SLC5A10: variants seen among roughly 807,000 people sequenced by gnomAD.
The protein encoded by SLC5A10 is solute carrier family 5 member 10, also known as sodium/mannose cotransporter SLC5A10.
In SLC5A10, 55 loss-of-function variants were observed where a neutral mutation model predicts 68.9. The observed-to-expected ratio is 0.80, with a 90% CI of 0.64 to 1.00. SLC5A10 has a LOEUF of 1.00. SLC5A10 is among the 50% of genes least tolerant of loss of function. The probability of loss-of-function intolerance (pLI) is 0.00; values close to 1 mark genes in which losing one functional copy is unlikely to be tolerated. For synonymous variants in SLC5A10, 344 were observed against 344.8 expected (o/e 1.00, Z 0.02); for missense variants, 732 against 819.3 (o/e 0.89, Z 1.30).
intron 9 of SLC5A10, among the ~76,000 whole-genome samples, chr17:18,988,906 C>G (rs1488887132): frequency 6.6e-6 from 1 of 152,208 alleles, no homozygotes; most frequent in Non-Finnish European, 1.5e-5. Context: ...GTGGTCAGGG[C>G]CTTCCCCCAG....
At chr17:18,978,655 CG>C (rs776041051) in intron 9 of SLC5A10, 1 of 1,613,052 alleles carries the variant, frequency 6.2e-7, no homozygotes, top group East Asian at 2.2e-5. Flanking sequence ...CCACAGTGCC[CG>C]CGGGCACCAG....
rs767942923 is a variant in SLC5A10, at chr17:19,003,538, C to G, written c.983-9872C>G. On this transcript the variant is annotated intron_variant, in intron 9 of 14. Transcript: ENST00000395645. This position sits in a 1 kb window ranked among gnomAD's most constrained non-coding sequence, Gnocchi z 4.5. ...GCCTCACCTTCTGTGCCTGGCTGAT[C>G]ATCTTCCGCACCACCTCTTTGATGT... 1.9e-6 allele frequency: 3 copies of G among 1,540,276 alleles called. No homozygotes were observed. In the African/African-American group the frequency reaches 4.1e-5, roughly 21 times the overall value.
intron 9 of SLC5A10, among the ~76,000 whole-genome samples, chr17:18,983,372 G>A (rs567907350): frequency 6.6e-6 from 1 of 152,382 alleles, no homozygotes; most frequent in East Asian, 1.9e-4. Context: ...AGCCATGTAG[G>A]CAGCACCAGG....
At chr17:18,987,086 C>T (rs549543950) in intron 9 of SLC5A10, among the ~76,000 whole-genome samples, 50 of 152,296 alleles carry the variant, frequency 3.3e-4, no homozygotes, top group African/African-American at 9.6e-4. Flanking sequence ...AGGGGGTGGG[C>T]GCGCCTGACA....
At chr17:18,998,198 G>A (rs947485165) in intron 9 of SLC5A10, among the ~76,000 whole-genome samples, 25 of 152,286 alleles carry the variant, frequency 1.6e-4, no homozygotes, top group African/African-American at 6.0e-4. Context: ...CCAGGGCACA[G>A]GGTGGGACCC....
intron 9 of SLC5A10, among the ~76,000 whole-genome samples, chr17:18,997,020 T>TC (rs2043586644): frequency 6.6e-6 from 1 of 152,182 alleles, no homozygotes; most frequent in Admixed American, 6.5e-5. Context: ...AACTCTGAGG[T>TC]CCCGTTCCCC....
chr17:19,002,589 C>A (rs2043758516), intron 9 of SLC5A10, among the ~76,000 whole-genome samples: 1 of 152,252 alleles, frequency 6.6e-6, no homozygotes, highest in African/African-American at 2.4e-5. Flanking sequence ...GCTTCAGAAT[C>A]CTTCTCAACA....
rs17842753 is a variant in SLC5A10 at position 18,976,693 on chromosome 17, C to T, written c.847-161C>T. On this transcript the variant is annotated intron_variant, in intron 8 of 14. Coordinates refer to ENST00000395645, the MANE Select transcript of SLC5A10 (RefSeq NM_001042450.4). ...CTGAAGTGAGCTCTCCTGGTGGGAC[C>T]CTGACAGTATTGGGGCTTTGAGTGT... is the stretch of plus-strand genomic sequence containing the variant. The T allele has an allele frequency of 3.1e-3, 2,799 of 914,924 alleles. 35 individuals are homozygous for T. In the African/African-American group the frequency reaches 0.038, roughly 12 times the overall value. The allele number at this position is 914,924 out of a possible 1,614,324, so 56.7% of individuals were successfully genotyped here.
At chr17:18,985,140 G>A in intron 9 of SLC5A10, among the ~76,000 whole-genome samples, 1 of 152,236 alleles carries the variant, frequency 6.6e-6, no homozygotes, top group Non-Finnish European at 1.5e-5. Flanking sequence ...GACCAGAGCT[G>A]CGTCTCATGG....
intron 1 of SLC5A10, among the ~76,000 whole-genome samples, chr17:18,955,786 G>A (rs1039065350): frequency 6.6e-6 from 1 of 152,238 alleles, no homozygotes; most frequent in East Asian, 1.9e-4. Flanking sequence ...GTTCTGAACT[G>A]GGTGTGGTGG....
rs144849326 is a variant in SLC5A10, at chr17:18,960,935, G to A, written c.453+283G>A. On this transcript the variant is annotated intron_variant, in intron 5 of 14. Coordinates refer to ENST00000395645, the MANE Select transcript of SLC5A10 (RefSeq NM_001042450.4). ...GGTTCTAGACACAGGGTGTTAGGACGGTTCTCGGTCTGAGGTCAGTTCTGG... is the reference window on the plus strand; with the variant it reads ...GGTTCTAGACACAGGGTGTTAGGACAGTTCTCGGTCTGAGGTCAGTTCTGG... 2.8e-3 allele frequency among the ~76,000 whole-genome samples: 428 copies of A among 152,258 alleles called. 2 individuals are homozygous for A. The highest frequency in any genetic ancestry group is 6.8e-3 in the Middle Eastern group (2 of 294).
At position 19,003,701 on chromosome 17, in the gene SLC5A10, A is replaced by C. The variant is rs1282418175; in HGVS notation, c.983-9709A>C. 10 of 1,606,960 alleles carry C rather than the reference A, an allele frequency of 6.2e-6. No individual in the cohort carries two copies. Among genetic ancestry groups the C allele is most frequent in the Non-Finnish European group, 8.5e-6 (10 of 1,176,678 alleles). Reference sequence around the variant, plus strand: ...CTGGGGCCAGTACTCCAGGGAGGGCAGCGGCTCGGCCTCGATGGGGACCCC... The same window carrying C: ...CTGGGGCCAGTACTCCAGGGAGGGCCGCGGCTCGGCCTCGATGGGGACCCC... On this transcript the variant is annotated intron_variant, in intron 9 of 14. Transcript: ENST00000395645. The surrounding 1 kb of genome is among the most constrained non-coding windows in gnomAD (Gnocchi z 4.5).
rs150220990 is a variant in SLC5A10, at chr17:18,959,975, A to C, written c.348+312A>C. Among the ~76,000 whole-genome samples, 23 of 152,094 alleles carry C rather than the reference A, an allele frequency of 1.5e-4. 1 individual carries two copies. The East Asian group carries it at 2.1e-3, about 14-fold the overall frequency. ...GGCACATAGGCTGTACAACTGGGCCATGCACCTGGTTTGCACACCTGGCCC... is the reference window on the plus strand; with the variant it reads ...GGCACATAGGCTGTACAACTGGGCCCTGCACCTGGTTTGCACACCTGGCCC... On this transcript the variant is annotated intron_variant, in intron 4 of 14. Transcript: ENST00000395645.
At position 19,000,699 on chromosome 17, in the gene SLC5A10, C is replaced by T. The variant is rs1397010483; in HGVS notation, c.983-12711C>T. Among the ~76,000 whole-genome samples the T allele has an allele frequency of 2.0e-5, 3 of 152,128 alleles. No individual in the cohort carries two copies. The highest frequency in any genetic ancestry group is 4.4e-5 in the Non-Finnish European group (3 of 67,994). On this transcript the variant is annotated intron_variant, in intron 9 of 14. Coordinates refer to ENST00000395645, the MANE Select transcript of SLC5A10 (RefSeq NM_001042450.4). The surrounding 1 kb of genome is among the most constrained non-coding windows in gnomAD (Gnocchi z 5.2). ...GGGGCCAGTGTGCGGCAAGGCGGCC[C>T]AGGCAGAGGGATCCCCATCCTAGGC...
rs1380016143 is a variant in SLC5A10 at position 18,969,075 on chromosome 17, G to A, written c.477G>A (p.Leu159=). Residue 159 remains leucine, a synonymous_variant, in exon 6 of 15, where the codon CTG becomes CTA. Coordinates refer to ENST00000395645, the MANE Select transcript of SLC5A10 (RefSeq NM_001042450.4). ...AGCTGGACCTGTACGCGGGGGCTCT[G>A]TTTGTGCACATCTGCCTGGGCTGGA... ...KISLDLYAGA[L]FVHICLGWNF... is the part of the protein sequence containing the mutation. 6.2e-7 allele frequency: 1 copy of A among 1,614,046 alleles called. No homozygotes were observed. The highest frequency in any genetic ancestry group is 8.5e-7 in the Non-Finnish European group (1 of 1,179,956).
At chr17:18,965,596 C>A (rs754935938) in intron 5 of SLC5A10, among the ~76,000 whole-genome samples, 1 of 152,164 alleles carries the variant, frequency 6.6e-6, no homozygotes. Flanking sequence ...CCTTCATATA[C>A]GTGGGGAGCT....
rs1315919191 is a variant in SLC5A10, at chr17:19,017,309, G to A, written c.1241+2110G>A. The A allele has an allele frequency of 3.2e-6, 5 of 1,552,052 alleles. No individual in the cohort carries two copies. The highest frequency in any genetic ancestry group is 2.4e-5 in the East Asian group (1 of 40,922). ...CACTGGGATACCCTCAACACCCCCAGCCCCTCAAAGCCGTCTCAGCTTCCT... is the reference window on the plus strand; with the variant it reads ...CACTGGGATACCCTCAACACCCCCAACCCCTCAAAGCCGTCTCAGCTTCCT... On this transcript the variant is annotated intron_variant, in intron 11 of 14. Coordinates refer to ENST00000395645, the MANE Select transcript of SLC5A10 (RefSeq NM_001042450.4). This position sits in a 1 kb window ranked among gnomAD's most constrained non-coding sequence, Gnocchi z 5.6.
intron 10 of SLC5A10, 50 bp from the exon 11 acceptor site, chr17:19,014,999 G>A (rs751973845): frequency 7.6e-6 from 12 of 1,582,242 alleles, no homozygotes; most frequent in African/African-American, 2.7e-5. Context: ...AGGGGTTCCC[G>A]GGGCTGTCTC....
At chr17:19,019,958 C>T in intron 13 of SLC5A10, 30 bp downstream of exon 13, 2 of 1,563,854 alleles carry the variant, frequency 1.3e-6, no homozygotes, top group Non-Finnish European at 1.7e-6. Flanking sequence ...TGACCCTGAC[C>T]CCTAACAATT....
Sources: gnomAD v4.1 joint callset for allele counts (sites outside exome capture counted in the v4.1 genomes callset) on GRCh38, gnomAD v4.1.1 for gene constraint, Gnocchi (gnomAD v3.1) non-coding constraint, MANE v1.5 for transcripts, NCBI Gene and HGNC (gene_info 2026-07-23, HGNC 2026-07-21) for gene names.